The following COA1 variants were observed in gnomAD, a reference collection of about 807,000 sequenced individuals.
The protein encoded by COA1 is cytochrome c oxidase assembly factor 1 homolog.
In COA1, 13 loss-of-function variants were observed where a neutral mutation model predicts 16.0. The ratio of observed to expected loss-of-function variants is 0.81; its 90% CI spans 0.53 to 1.29. The LOEUF is 1.29. COA1 is among the 50% of genes most tolerant of loss of function. The pLI is 0.00. For missense variants in COA1, 179 were observed against 177.0 expected, an observed-to-expected ratio of 1.01 and a Z score of -0.06; for synonymous variants, 65 against 65.7, an observed-to-expected ratio of 0.99 and a Z score of 0.05.
intron 1 of COA1, among the ~76,000 whole-genome samples, chr7:43,703,262 C>G (rs572087711): frequency 1.6e-4 from 25 of 152,164 alleles, no homozygotes; most frequent in African/African-American, 5.8e-4. Context: ...AGCATGTGGT[C>G]AATATTAGCA....
At chr7:43,711,651 A>C (rs1478077696) in intron 1 of COA1, among the ~76,000 whole-genome samples, 1 of 152,254 alleles carries the variant, frequency 6.6e-6, no homozygotes, top group Non-Finnish European at 1.5e-5. Context: ...GTACTTACAC[A>C]AACCTAGATG....
At chr7:43,630,467 A>C (rs1002981445) in intron 6 of COA1, among the ~76,000 whole-genome samples, 19 of 152,192 alleles carry the variant, frequency 1.2e-4, no homozygotes, top group African/African-American at 3.9e-4. Flanking sequence ...CTTTCTAATA[A>C]ATTGTAAGAG....
At chr7:43,639,927 A>T (rs1563209836) in intron 5 of COA1, among the ~76,000 whole-genome samples, 1 of 152,232 alleles carries the variant, frequency 6.6e-6, no homozygotes, top group African/African-American at 2.4e-5. Context: ...GACATCAGGA[A>T]GAAGGAGCAG....
intron 1 of COA1, among the ~76,000 whole-genome samples, chr7:43,696,629 G>A (rs918514342): frequency 2.0e-5 from 3 of 151,818 alleles, no homozygotes; most frequent in African/African-American, 7.3e-5. Context: ...TGATATGTAA[G>A]GTATGATGGT....
chr7:43,688,522 A>T (rs1420410097), intron 1 of COA1, among the ~76,000 whole-genome samples: 1 of 152,122 alleles, frequency 6.6e-6, no homozygotes, highest in Non-Finnish European at 1.5e-5. Flanking sequence ...CCTCTTTATC[A>T]CACTTTCTTC....
intron 1 of COA1, chr7:43,657,338 G>C (rs548957200): frequency 6.6e-6 from 1 of 152,304 alleles, no homozygotes; most frequent in East Asian, 1.9e-4. Flanking sequence ...CTGAACCATA[G>C]TGGAACTATC....
chr7:43,721,038 G>A (rs563658102), intron 1 of COA1, among the ~76,000 whole-genome samples: 51 of 152,318 alleles, frequency 3.3e-4, no homozygotes, highest in Non-Finnish European at 6.2e-4. Context: ...AGAGAAGGCT[G>A]AAACATAAAA....
Position 43,613,149 on chromosome 7 carries a change from C to T in COA1, c.*134-3654G>A, listed in dbSNP as rs182742753. On this transcript the variant is annotated intron_variant and NMD_transcript_variant, in intron 6 of 6. Coordinates refer to the COA1 transcript ENST00000415076. ...TCTTTTTTCTTCAAATGGTGTTGTA[C>T]TGGTTCAGTCTTTCAGCAGTGTTAG... Among the ~76,000 whole-genome samples the T allele has an allele frequency of 3.3e-3, 507 of 152,214 alleles. 4 individuals carry two copies. The highest frequency in any genetic ancestry group is 5.8e-3 in the Non-Finnish European group (395 of 68,000).
intron 1 of COA1, among the ~76,000 whole-genome samples, chr7:43,688,063 G>T (rs1220462220): frequency 6.6e-6 from 1 of 152,166 alleles, no homozygotes; most frequent in East Asian, 1.9e-4. Context: ...CCATCACCAT[G>T]TAAGAAGTGC....
At position 43,710,429 on chromosome 7, in the gene COA1, A is replaced by G. The variant is rs368082137; in HGVS notation, c.-39+19000T>C. The stretch of plus-strand genomic sequence containing the variant: ...TATGTCCTAAACAGTTGATTTATTA[A>G]TAGTTACTGCCTAAAGCCCAATGTT... On this transcript the variant is annotated intron_variant, in intron 1 of 5. Coordinates refer to ENST00000223336, the MANE Select transcript of COA1 (RefSeq NM_018224.4). 4.1e-5 allele frequency among the ~76,000 whole-genome samples: 6 copies of G among 144,670 alleles called. No homozygotes were observed. The East Asian group carries it at 7.9e-4, about 19-fold the overall frequency. 94.9% of individuals were successfully genotyped at this position (144,670 alleles called of 152,430 possible).
At chr7:43,723,117 A>G (rs978654450) in intron 1 of COA1, among the ~76,000 whole-genome samples, 3 of 152,220 alleles carry the variant, frequency 2.0e-5, no homozygotes, top group African/African-American at 7.2e-5. Context: ...AGGTTGGTAG[A>G]AAGGGTGTAA....
At chr7:43,619,795 A>G (rs2083689989) in intron 6 of COA1, 7 of 1,554,872 alleles carry the variant, frequency 4.5e-6, no homozygotes, top group Non-Finnish European at 6.1e-6. Context: ...TCCATGTGGC[A>G]TGACTCATAG....
intron 1 of COA1, among the ~76,000 whole-genome samples, chr7:43,698,884 C>T (rs922788509): frequency 5.3e-5 from 8 of 152,162 alleles, no homozygotes; most frequent in African/African-American, 1.4e-4. Flanking sequence ...CACAAATTAT[C>T]CATCTGCATA....
chr7:43,611,859 T>C (rs1472430014), intron 6 of COA1, among the ~76,000 whole-genome samples: 1 of 152,194 alleles, frequency 6.6e-6, no homozygotes, highest in African/African-American at 2.4e-5. Context: ...ATTGCACCTA[T>C]AGGAAATGAG....
At chr7:43,610,816 T>A (rs2082801878) in intron 6 of COA1, among the ~76,000 whole-genome samples, 1 of 151,456 alleles carries the variant, frequency 6.6e-6, no homozygotes, top group Admixed American at 6.6e-5. Flanking sequence ...GAAGGCGCAC[T>A]CTCAAGAAGG....
chr7:43,679,963 A>T (rs937896078), intron 1 of COA1, among the ~76,000 whole-genome samples: 1 of 152,330 alleles, frequency 6.6e-6, no homozygotes. Flanking sequence ...CTAAAAATAA[A>T]ATATAACTCC....
chr7:43,697,568 G>C (rs2094571360), intron 1 of COA1, among the ~76,000 whole-genome samples: 2 of 152,160 alleles, frequency 1.3e-5, no homozygotes, highest in African/African-American at 4.8e-5. Context: ...TAAGGTATGA[G>C]CCACCGCACC....
intron 6 of COA1, among the ~76,000 whole-genome samples, chr7:43,620,605 C>T (rs965997758): frequency 1.3e-5 from 2 of 150,252 alleles, no homozygotes; most frequent in South Asian, 2.1e-4. Flanking sequence ...ACCTGGGAGG[C>T]GGAGCTTGCA....
At chr7:43,625,535 C>G (rs553003154) in intron 6 of COA1, 1 of 152,304 alleles carries the variant, frequency 6.6e-6, no homozygotes, top group South Asian at 2.1e-4. Context: ...TAGGTGTCAG[C>G]TCTTGAGCTG....
Sources: allele counts gnomAD v4.1 joint callset (sites outside exome capture counted in the v4.1 genomes callset), GRCh38; gene constraint gnomAD v4.1.1; transcripts MANE v1.5; gene names NCBI Gene and HGNC (gene_info 2026-07-23, HGNC 2026-07-21).